Variants in IMMP2L observed in about 807,000 individuals in gnomAD.
IMMP2L encodes the protein inner mitochondrial membrane peptidase subunit 2.
In IMMP2L, 18 loss-of-function variants were observed where a neutral mutation model predicts 19.3. That is an observed-to-expected ratio of 0.93 (90% CI 0.64 to 1.38). IMMP2L has a LOEUF of 1.38. IMMP2L is among the 40% of genes most tolerant of loss of function. IMMP2L has a pLI of 0.00. For missense variants in IMMP2L, 233 were observed against 218.2 expected, an observed-to-expected ratio of 1.07 and a Z score of -0.43; for synonymous variants, 76 against 73.0, an observed-to-expected ratio of 1.04 and a Z score of -0.21.
intron 4 of IMMP2L, among the ~76,000 whole-genome samples, chr7:110,923,263 G>A (rs1040748243): frequency 3.3e-5 from 5 of 152,074 alleles, no homozygotes; most frequent in Admixed American, 1.3e-4. Flanking sequence ...ACTATCAAGG[G>A]AACTTCTATG....
chr7:111,212,008 A>G (rs1811373263), intron 3 of IMMP2L, among the ~76,000 whole-genome samples: 1 of 152,118 alleles, frequency 6.6e-6, no homozygotes, highest in Non-Finnish European at 1.5e-5. Flanking sequence ...AAAACAAAAA[A>G]AAGAAGATTG....
rs139029319 is a variant in IMMP2L, at chr7:111,499,063, G to A, written c.136-11722C>T. Among the ~76,000 whole-genome samples the A allele has an allele frequency of 3.9e-3, 592 of 152,214 alleles. 3 individuals carry two copies. Among genetic ancestry groups the A allele is most frequent in the African/African-American group, 0.013 (531 of 41,524 alleles). ...ATTGGTTCATGATTCCACAATTTAG[G>A]CTATGCTTAGCTATGCAATTAGCCA... On this transcript the variant is annotated intron_variant, in intron 2 of 5. Coordinates refer to ENST00000405709, the MANE Select transcript of IMMP2L (RefSeq NM_032549.4).
intron 3 of IMMP2L, among the ~76,000 whole-genome samples, chr7:111,485,596 T>TAAA (rs1563252291): frequency 2.2e-3 from 2 of 892 alleles, no homozygotes; most frequent in South Asian, 0.12. Flanking sequence ...AGACTCTGTT[T>TAAA]CAAAAAAAAA....
At chr7:111,533,725 A>G (rs541016068) in intron 1 of IMMP2L, among the ~76,000 whole-genome samples, 2 of 152,258 alleles carry the variant, frequency 1.3e-5, no homozygotes, top group South Asian at 2.1e-4. Context: ...GCCAAACATT[A>G]TATGTAATAA....
intron 3 of IMMP2L, among the ~76,000 whole-genome samples, chr7:110,968,134 C>T (rs767832481): frequency 3.3e-5 from 5 of 151,984 alleles, no homozygotes; most frequent in Non-Finnish European, 7.4e-5. Context: ...AAGTGAGCTG[C>T]TCCCTGTAGG....
At chr7:111,504,059 T>C (rs1026312354) in intron 2 of IMMP2L, among the ~76,000 whole-genome samples, 1 of 152,152 alleles carries the variant, frequency 6.6e-6, no homozygotes, top group Non-Finnish European at 1.5e-5. Context: ...CATGATTGTA[T>C]ATCTAGAAAA....
At chr7:110,939,388 C>CAAA (rs58982346) in intron 4 of IMMP2L, among the ~76,000 whole-genome samples, 59,701 of 124,718 alleles carry the variant, frequency 0.48, 13,617 homozygotes, top group Non-Finnish European at 0.57. Context: ...TGCAAAATTG[C>CAAA]AAAAAAAAAA....
chr7:111,422,328 A>G (rs183693624), intron 3 of IMMP2L, among the ~76,000 whole-genome samples: 18 of 151,900 alleles, frequency 1.2e-4, no homozygotes, highest in Non-Finnish European at 1.9e-4. Flanking sequence ...GGCCATTTTC[A>G]TGATATTGAT....
chr7:110,962,555 T>A (rs370915313), intron 4 of IMMP2L: 3 of 185,262 alleles, frequency 1.6e-5, no homozygotes, highest in African/African-American at 7.1e-5. Flanking sequence ...ATCTGGAAAA[T>A]TCCACTGTAC....
intron 3 of IMMP2L, among the ~76,000 whole-genome samples, chr7:111,010,205 A>T (rs1824787901): frequency 6.6e-6 from 1 of 152,128 alleles, no homozygotes; most frequent in Non-Finnish European, 1.5e-5. Flanking sequence ...TCTTAGTTAT[A>T]TCTCATTTCT....
intron 5 of IMMP2L, among the ~76,000 whole-genome samples, chr7:110,725,473 C>T (rs766242984): frequency 5.9e-5 from 9 of 151,720 alleles, no homozygotes; most frequent in East Asian, 1.9e-4. Context: ...TATTTTCCTT[C>T]GACATCCAAA....
At chr7:111,492,884 T>C (rs1339740410) in intron 2 of IMMP2L, among the ~76,000 whole-genome samples, 1 of 152,148 alleles carries the variant, frequency 6.6e-6, no homozygotes, top group South Asian at 2.1e-4. Flanking sequence ...TACTCCCTCA[T>C]GTGCGCTCCC....
chr7:110,701,887 A>C (rs1338877317), intron 5 of IMMP2L, among the ~76,000 whole-genome samples: 1 of 152,086 alleles, frequency 6.6e-6, no homozygotes, highest in Non-Finnish European at 1.5e-5. Flanking sequence ...TTTGATTTCT[A>C]TATGTGTATA....
chr7:111,160,768 A>G (rs1274742893), intron 3 of IMMP2L, among the ~76,000 whole-genome samples: 1 of 150,452 alleles, frequency 6.6e-6, no homozygotes, highest in Non-Finnish European at 1.5e-5. Context: ...TATAAAAATG[A>G]AGAAATATAA....
chr7:111,211,200 T>C (rs1477070717), intron 3 of IMMP2L, among the ~76,000 whole-genome samples: 1 of 152,120 alleles, frequency 6.6e-6, no homozygotes, highest in Non-Finnish European at 1.5e-5. Context: ...TTAGCCTGCA[T>C]AGATGTGAAT....
At chr7:111,152,049 G>A (rs968018739) in intron 3 of IMMP2L, among the ~76,000 whole-genome samples, 1 of 152,104 alleles carries the variant, frequency 6.6e-6, no homozygotes, top group Non-Finnish European at 1.5e-5. Context: ...CATAGATATT[G>A]ATGGAAATAC....
chr7:110,987,101 G>T (rs533997729), intron 3 of IMMP2L, among the ~76,000 whole-genome samples: 2 of 152,130 alleles, frequency 1.3e-5, no homozygotes, highest in African/African-American at 4.8e-5. Flanking sequence ...CCAATTTCAA[G>T]AATTCATCAC....
chr7:111,453,957 G>A (rs1315659160), intron 3 of IMMP2L, among the ~76,000 whole-genome samples: 6 of 152,062 alleles, frequency 3.9e-5, no homozygotes, highest in Non-Finnish European at 2.9e-5. Context: ...AAAGGGTTAC[G>A]TCTCAAAAAT....
At chr7:111,075,516 A>G (rs965097347) in intron 3 of IMMP2L, among the ~76,000 whole-genome samples, 7 of 152,188 alleles carry the variant, frequency 4.6e-5, no homozygotes, top group African/African-American at 1.7e-4. Flanking sequence ...TTCTGTTTTC[A>G]TAATACTCGA....
Sources: allele counts gnomAD v4.1 joint callset (sites outside exome capture counted in the v4.1 genomes callset), GRCh38; gene constraint gnomAD v4.1.1; transcripts MANE v1.5; gene names NCBI Gene and HGNC (gene_info 2026-07-23, HGNC 2026-07-21).